Variants in CYSTM1 observed in about 807,000 individuals in gnomAD.
The protein encoded by CYSTM1 is cysteine rich transmembrane module containing 1, also known as cysteine-rich transmembrane module-containing protein 1.
A neutral mutation model predicts 13.1 loss-of-function variants in CYSTM1; 4 were observed. The ratio of observed to expected loss-of-function variants is 0.31; its 90% CI spans 0.15 to 0.70. The LOEUF is 0.70. Ranked by LOEUF, CYSTM1 falls within the 30% of genes least tolerant of loss-of-function variation. The pLI, the probability that CYSTM1 is intolerant of heterozygous loss-of-function variation, is 0.72. For missense variants in CYSTM1, 96 were observed against 121.6 expected, an observed-to-expected ratio of 0.79 and a Z score of 0.99; for synonymous variants, 36 against 42.7, an observed-to-expected ratio of 0.84 and a Z score of 0.62.
At chr5:140,241,882 G>GT (rs1764753324) in intron 2 of CYSTM1, among the ~76,000 whole-genome samples, 1 of 152,218 alleles carries the variant, frequency 6.6e-6, no homozygotes, top group Non-Finnish European at 1.5e-5. Context: ...TCCCAGTTGG[G>GT]TATGAGCAAG....
At chr5:140,236,998 G>A (rs1443063803) in intron 2 of CYSTM1, among the ~76,000 whole-genome samples, 4 of 152,230 alleles carry the variant, frequency 2.6e-5, no homozygotes, top group African/African-American at 4.8e-5. Context: ...AGTTACACAC[G>A]AGGGAGGATG....
intron 2 of CYSTM1, among the ~76,000 whole-genome samples, chr5:140,215,233 A>G (rs1256181872): frequency 6.6e-6 from 1 of 152,250 alleles, no homozygotes; most frequent in African/African-American, 2.4e-5. Flanking sequence ...TTCTGCTTAT[A>G]TTGTGGCTCC....
At chr5:140,227,716 A>G (rs1764574369) in intron 2 of CYSTM1, among the ~76,000 whole-genome samples, 1 of 152,134 alleles carries the variant, frequency 6.6e-6, no homozygotes, top group Non-Finnish European at 1.5e-5. Context: ...ACTATCTTAG[A>G]GCAGTTGAAA....
chr5:140,238,202 C>T lies in CYSTM1; in HGVS notation c.188-5103C>T, dbSNP rs150973231. ...GAGGAGTAGGGCAGGAAGAGAGGCT[C>T]GGGAGGCCCAGGGAAGGCTCTGAGC... On this transcript the variant is annotated intron_variant, in intron 2 of 2. Coordinates refer to ENST00000261811, the MANE Select transcript of CYSTM1 (RefSeq NM_032412.4). 1.3e-3 allele frequency among the ~76,000 whole-genome samples: 192 copies of T among 152,178 alleles called. No individual in the cohort carries two copies. The Middle Eastern group carries it at 0.02, about 16-fold the overall frequency.
chr5:140,232,995 TC>T (rs1458153963), intron 2 of CYSTM1, among the ~76,000 whole-genome samples: 1 of 152,168 alleles, frequency 6.6e-6, no homozygotes, highest in Non-Finnish European at 1.5e-5. Context: ...GGGAGGTCCT[TC>T]TGAACAGTAG....
chr5:140,183,574 C>T (rs905335705), intron 1 of CYSTM1, among the ~76,000 whole-genome samples: 22 of 152,204 alleles, frequency 1.4e-4, no homozygotes, highest in Admixed American at 1.2e-3. Flanking sequence ...GGGTACTGAC[C>T]AGAGTCCCTG....
chr5:140,227,466 G>GAACTC (rs1764570965), intron 2 of CYSTM1, among the ~76,000 whole-genome samples: 1 of 152,156 alleles, frequency 6.6e-6, no homozygotes, highest in Non-Finnish European at 1.5e-5. Context: ...TGCTAGCCTA[G>GAACTC]AACTCAGAGG....
At chr5:140,200,261 G>A (rs945477024) in intron 2 of CYSTM1, 2 of 152,072 alleles carry the variant, frequency 1.3e-5, no homozygotes, top group East Asian at 3.8e-4. Context: ...TAGGTCTTAC[G>A]TTTAAGTCTT....
At chr5:140,208,237 A>T (rs1764321723) in intron 2 of CYSTM1, among the ~76,000 whole-genome samples, 1 of 152,258 alleles carries the variant, frequency 6.6e-6, no homozygotes, top group Non-Finnish European at 1.5e-5. Flanking sequence ...TGTGGTATTT[A>T]TTCACAGTGG....
intron 1 of CYSTM1, among the ~76,000 whole-genome samples, chr5:140,176,836 G>A (rs1429072303): frequency 6.6e-6 from 1 of 152,082 alleles, no homozygotes; most frequent in Non-Finnish European, 1.5e-5. Context: ...TTGGGAGGCC[G>A]AGGCGGACGG....
At chr5:140,228,814 G>GCCTC (rs1426442968) in intron 2 of CYSTM1, 1 of 399,428 alleles carries the variant, frequency 2.5e-6, no homozygotes, top group Non-Finnish European at 4.4e-6. Context: ...TGCTGCTGCT[G>GCCTC]CCTCCTGGAC....
At chr5:140,194,730 G>T (rs574933163) in intron 2 of CYSTM1, 78 bp downstream of exon 2, 2 of 1,500,486 alleles carry the variant, frequency 1.3e-6, no homozygotes, top group South Asian at 2.6e-5. Flanking sequence ...TGGCAGAGAA[G>T]AAATTCTTTC....
At chr5:140,223,771 A>AT (rs1764517216) in intron 2 of CYSTM1, among the ~76,000 whole-genome samples, 1 of 152,172 alleles carries the variant, frequency 6.6e-6, no homozygotes, top group African/African-American at 2.4e-5. Flanking sequence ...TCTGGAGCTG[A>AT]TATGAGGCAA....
rs149481357 is a variant in CYSTM1, at chr5:140,193,038, A to AT, written c.-20-1408_-20-1407insT. 3.2e-3 allele frequency among the ~76,000 whole-genome samples: 486 copies of AT among 152,362 alleles called. 4 individuals carry two copies. The highest frequency in any genetic ancestry group is 0.011 in the African/African-American group (468 of 41,580). On this transcript the variant is annotated intron_variant, in intron 1 of 2. Coordinates refer to ENST00000261811, the MANE Select transcript of CYSTM1 (RefSeq NM_032412.4). ...ATAACTATTCTGTCCTTTATATAATAAAGTCACTTAGGAATTTGTTGATTG... is the reference window on the plus strand; with the variant it reads ...ATAACTATTCTGTCCTTTATATAATATAAGTCACTTAGGAATTTGTTGATTG...
intron 2 of CYSTM1, among the ~76,000 whole-genome samples, chr5:140,203,798 T>C (rs1409969453): frequency 6.6e-6 from 1 of 152,190 alleles, no homozygotes; most frequent in Admixed American, 6.5e-5. Context: ...TCATCAGAAG[T>C]AGAAGAGTCC....
intron 2 of CYSTM1, among the ~76,000 whole-genome samples, chr5:140,233,193 C>T (rs1764636983): frequency 6.6e-6 from 1 of 152,162 alleles, no homozygotes; most frequent in Non-Finnish European, 1.5e-5. Flanking sequence ...TTGAAAGCCC[C>T]TGGTCTTTGG....
chr5:140,218,683 G>A (rs1764458123), intron 2 of CYSTM1, among the ~76,000 whole-genome samples: 1 of 152,224 alleles, frequency 6.6e-6, no homozygotes, highest in Non-Finnish European at 1.5e-5. Context: ...TGCTTGTGCT[G>A]TGATATGGAC....
chr5:140,187,818 C>T (rs1197701360), intron 1 of CYSTM1, among the ~76,000 whole-genome samples: 3 of 151,572 alleles, frequency 2.0e-5, no homozygotes, highest in African/African-American at 7.3e-5. Flanking sequence ...GGTTTTTTAC[C>T]CCAAGTCTGG....
At chr5:140,211,995 T>C (rs1185294289) in intron 2 of CYSTM1, among the ~76,000 whole-genome samples, 1 of 152,210 alleles carries the variant, frequency 6.6e-6, no homozygotes, top group Non-Finnish European at 1.5e-5. Flanking sequence ...TGCCAGTCAC[T>C]AAATAAATAT....
Sources: allele counts gnomAD v4.1 joint callset (sites outside exome capture counted in the v4.1 genomes callset), GRCh38; gene constraint gnomAD v4.1.1; transcripts MANE v1.5; gene names NCBI Gene and HGNC (gene_info 2026-07-23, HGNC 2026-07-21).